GNG7: variants seen among roughly 807,000 people sequenced by gnomAD.
The protein encoded by GNG7 is G protein subunit gamma 7, also known as guanine nucleotide-binding protein G(I)/G(S)/G(O) subunit gamma-7.
GNG7 carries 1 observed loss-of-function variant against 4.0 expected under a neutral mutation model. The observed-to-expected ratio is 0.25, with a 90% CI of 0.09 to 1.18. The LOEUF (loss-of-function observed/expected upper bound fraction) is 1.18, where lower values mean the gene tolerates loss of function less well. Ranked by LOEUF, GNG7 falls within the 50% of genes most tolerant of loss-of-function variation. The pLI, the probability that GNG7 is intolerant of heterozygous loss-of-function variation, is 0.50. For missense variants in GNG7, 86 were observed against 91.9 expected (o/e 0.94, Z 0.26); for synonymous variants, 34 against 36.9 (o/e 0.92, Z 0.29).
chr19:2,701,938 C>G (rs888478138), intron 1 of GNG7, among the ~76,000 whole-genome samples: 2 of 134,836 alleles, frequency 1.5e-5, no homozygotes, highest in African/African-American at 5.5e-5. Flanking sequence ...GACCTCCAAT[C>G]CCACTCCAAG....
Position 2,513,064 on chromosome 19 carries a change from T to C in GNG7, c.*1958A>G. The C allele has an allele frequency of 1.0e-5, 10 of 985,244 alleles. No homozygotes were observed. The highest frequency in any genetic ancestry group is 1.2e-5 in the Non-Finnish European group (10 of 829,974). 61.0% of individuals were successfully genotyped at this position (985,244 alleles called of 1,614,324 possible). ...GCCGTAGAGAGCTGGGTGCCGGGGGTGGGGAGCCCGGCTGTGGCCTGTGGG... is the reference window on the plus strand; with the variant it reads ...GCCGTAGAGAGCTGGGTGCCGGGGGCGGGGAGCCCGGCTGTGGCCTGTGGG... On this transcript the variant is annotated 3_prime_UTR_variant, in exon 5 of 5. Transcript: ENST00000382159.
intron 3 of GNG7, among the ~76,000 whole-genome samples, chr19:2,525,971 A>ATTTTTTTTTTTTTTTTTTCTTTT: frequency 1.3e-5 from 1 of 75,684 alleles, no homozygotes; most frequent in Non-Finnish European, 2.3e-5. Context: ...CTCCACGCCA[A>ATTTTTTTTTTTTTTTTTTCTTTT]TTTTTTTTTT....
intron 2 of GNG7, among the ~76,000 whole-genome samples, chr19:2,605,191 C>T (rs1183238533): frequency 1.3e-5 from 2 of 152,088 alleles, no homozygotes; most frequent in African/African-American, 4.8e-5. Flanking sequence ...TCAAATCTCA[C>T]TGTTGTTTTT....
intron 1 of GNG7, among the ~76,000 whole-genome samples, chr19:2,679,060 A>C (rs1409623728): frequency 6.6e-6 from 1 of 152,100 alleles, no homozygotes; most frequent in Non-Finnish European, 1.5e-5. Flanking sequence ...GTACAATGCT[A>C]ATTTTTTGAG....
At chr19:2,700,334 G>T (rs924382430) in intron 1 of GNG7, among the ~76,000 whole-genome samples, 2 of 151,984 alleles carry the variant, frequency 1.3e-5, no homozygotes, top group African/African-American at 2.4e-5. Context: ...GTAGAGACAG[G>T]TTTTCGCTAT....
chr19:2,657,364 ATATATATATATAT>A (rs1568276416), intron 1 of GNG7, among the ~76,000 whole-genome samples: 529 of 17,338 alleles, frequency 0.031, 40 homozygotes, highest in South Asian at 0.048. Flanking sequence ...AAAAAAAAAT[ATATATATATATAT>A]ATATATATAT....
At chr19:2,694,503 C>A (rs531822077) in intron 1 of GNG7, among the ~76,000 whole-genome samples, 13 of 151,054 alleles carry the variant, frequency 8.6e-5, no homozygotes. Flanking sequence ...TCCGGTCCCC[C>A]CTATCTGCAG....
intron 2 of GNG7, among the ~76,000 whole-genome samples, chr19:2,606,498 T>C (rs1251796175): frequency 1.3e-5 from 2 of 151,730 alleles, no homozygotes; most frequent in Non-Finnish European, 2.9e-5. Context: ...CTACTAAAAA[T>C]ACAAAAATTA....
chr19:2,671,273 A>T (rs75991842), intron 1 of GNG7, among the ~76,000 whole-genome samples: 2 of 69,628 alleles, frequency 2.9e-5, no homozygotes, highest in African/African-American at 5.6e-5. Context: ...ACCAACTCCC[A>T]GCAGCTCAGG....
chr19:2,631,120 G>T (rs950296000), intron 2 of GNG7, among the ~76,000 whole-genome samples: 1 of 152,160 alleles, frequency 6.6e-6, no homozygotes, highest in African/African-American at 2.4e-5. Flanking sequence ...GAGGAAGAAT[G>T]GTGCATTTAG....
At chr19:2,568,570 CAT>C (rs1373275691) in intron 2 of GNG7, among the ~76,000 whole-genome samples, 7 of 149,710 alleles carry the variant, frequency 4.7e-5, no homozygotes, top group African/African-American at 1.5e-4. Context: ...CATATACACA[CAT>C]ACACATGCAC....
chr19:2,682,678 A>G (rs904921478), intron 1 of GNG7, among the ~76,000 whole-genome samples: 4 of 144,442 alleles, frequency 2.8e-5, no homozygotes, highest in Non-Finnish European at 4.6e-5. Context: ...AAAAAAAAAA[A>G]AAGAAGAGCT....
chr19:2,550,664 C>T (rs962996031), intron 3 of GNG7, among the ~76,000 whole-genome samples: 3 of 152,150 alleles, frequency 2.0e-5, no homozygotes, highest in Non-Finnish European at 4.4e-5. Flanking sequence ...ACCAGCTGCT[C>T]TGTGGCAAGT....
intron 4 of GNG7, among the ~76,000 whole-genome samples, chr19:2,520,001 G>A (rs1214824341): frequency 6.6e-6 from 1 of 152,080 alleles, no homozygotes; most frequent in Non-Finnish European, 1.5e-5. Flanking sequence ...GCAACATGGC[G>A]AAACGCCGTC....
chr19:2,691,995 G>C (rs1444745906), intron 1 of GNG7, among the ~76,000 whole-genome samples: 1 of 152,198 alleles, frequency 6.6e-6, no homozygotes, highest in Non-Finnish European at 1.5e-5. Context: ...CCAGGGGGTG[G>C]GGGAGGCAGT....
intron 1 of GNG7, among the ~76,000 whole-genome samples, chr19:2,699,905 G>A (rs1913360390): frequency 6.6e-6 from 1 of 152,170 alleles, no homozygotes; most frequent in South Asian, 2.1e-4. Flanking sequence ...TCCTTACGGG[G>A]TGCCCCTAAT....
intron 2 of GNG7, among the ~76,000 whole-genome samples, chr19:2,599,147 C>A (rs1981124196): frequency 6.6e-6 from 1 of 152,136 alleles, no homozygotes; most frequent in Admixed American, 6.6e-5. Context: ...GCTGGTTGCT[C>A]CGCCGCAGAC....
intron 1 of GNG7, among the ~76,000 whole-genome samples, chr19:2,683,963 G>A (rs1009910400): frequency 3.3e-5 from 5 of 152,136 alleles, no homozygotes; most frequent in Admixed American, 1.3e-4. Context: ...CTGCAAAAGC[G>A]ACGTCAAATG....
intron 2 of GNG7, among the ~76,000 whole-genome samples, chr19:2,590,337 C>T (rs1599408779): frequency 6.6e-6 from 1 of 152,154 alleles, no homozygotes; most frequent in South Asian, 2.1e-4. Flanking sequence ...AACAATTTTC[C>T]ATATCTTATA....
Sources: gnomAD v4.1 joint callset for allele counts (sites outside exome capture counted in the v4.1 genomes callset) on GRCh38, gnomAD v4.1.1 for gene constraint, MANE v1.5 for transcripts, NCBI Gene and HGNC (gene_info 2026-07-23, HGNC 2026-07-21) for gene names.